Variants in CCSER1 observed in about 807,000 individuals in gnomAD.
CCSER1 encodes serine-rich coiled-coil domain-containing protein 1.
CCSER1 carries 41 observed loss-of-function variants against 82.0 expected under a neutral mutation model. The observed-to-expected ratio is 0.50, with a 90% confidence interval of 0.39 to 0.65. CCSER1 has a LOEUF of 0.65. Among genes scored for constraint, CCSER1 ranks in the 30% least tolerant of loss-of-function variants. The pLI is 0.00. For synonymous variants in CCSER1, 414 were observed against 383.9 expected, an observed-to-expected ratio of 1.08 and a Z score of -0.92; for missense variants, 1,119 against 1,064.2, an observed-to-expected ratio of 1.05 and a Z score of -0.72.
chr4:90,771,366 C>T (rs976681371), intron 7 of CCSER1, among the ~76,000 whole-genome samples: 13 of 151,070 alleles, frequency 8.6e-5, no homozygotes, highest in Non-Finnish European at 1.6e-4. Flanking sequence ...TATTGAGGGA[C>T]CACTTTTTAA....
intron 10 of CCSER1, among the ~76,000 whole-genome samples, chr4:91,241,577 C>T (rs77070776): frequency 2.0e-5 from 3 of 151,920 alleles, no homozygotes; most frequent in Non-Finnish European, 4.4e-5. Context: ...CCACCCGCCT[C>T]AGCCTCCCAA....
rs555509484 is a variant in CCSER1, at chr4:91,082,802, A to T, written c.2173-3148A>T. Among the ~76,000 whole-genome samples the T allele has an allele frequency of 2.6e-5, 4 of 152,328 alleles. No individual in the cohort carries two copies. In the South Asian group the frequency reaches 6.2e-4, roughly 24 times the overall value. ...AGACATTTATGCAGCCAAAAGACAC[A>T]TGAAAAAATGCTCATCATCACTGGT... On this transcript the variant is annotated intron_variant, in intron 9 of 10. Coordinates refer to ENST00000509176, the MANE Select transcript of CCSER1 (RefSeq NM_001145065.2).
intron 10 of CCSER1, among the ~76,000 whole-genome samples, chr4:91,225,303 TATTATATATGTAATATATATG>T (rs1218214680): frequency 8.0e-5 from 4 of 50,290 alleles, no homozygotes; most frequent in African/African-American, 4.7e-4. Context: ...TATGTATATA[TATTATATATGTAATATATATG>T]TATATATATT....
chr4:90,223,819 A>G (rs1742627396), intron 1 of CCSER1, among the ~76,000 whole-genome samples: 1 of 152,252 alleles, frequency 6.6e-6, no homozygotes, highest in Admixed American at 6.5e-5. Context: ...CCCAAATTAC[A>G]GAATTTATTT....
intron 8 of CCSER1, among the ~76,000 whole-genome samples, chr4:90,838,321 G>A (rs1275546503): frequency 6.6e-6 from 1 of 151,208 alleles, no homozygotes; most frequent in African/African-American, 2.4e-5. Flanking sequence ...CATTTCAGTT[G>A]TACAATTTAA....
intron 5 of CCSER1, among the ~76,000 whole-genome samples, chr4:90,540,422 T>C (rs1399933575): frequency 6.6e-6 from 1 of 152,086 alleles, no homozygotes; most frequent in African/African-American, 2.4e-5. Context: ...TTTTTACTTA[T>C]GTCATGTGTG....
intron 8 of CCSER1, among the ~76,000 whole-genome samples, chr4:90,883,837 A>G (rs1397908172): frequency 6.6e-6 from 1 of 152,178 alleles, no homozygotes; most frequent in Non-Finnish European, 1.5e-5. Flanking sequence ...TAATACAGAA[A>G]GTTGGCAAGG....
intron 1 of CCSER1, among the ~76,000 whole-genome samples, chr4:90,170,120 A>C (rs544681381): frequency 2.0e-5 from 3 of 151,982 alleles, no homozygotes; most frequent in Non-Finnish European, 4.4e-5. Flanking sequence ...CTCCTATGCA[A>C]TCATCTACCC....
chr4:91,065,256 C>T (rs1720686328), intron 9 of CCSER1, among the ~76,000 whole-genome samples: 1 of 151,978 alleles, frequency 6.6e-6, no homozygotes. Context: ...ATTTCAATGA[C>T]AAAGGTGGTA....
chr4:90,291,515 C>T (rs1730942974), intron 1 of CCSER1, among the ~76,000 whole-genome samples: 1 of 151,902 alleles, frequency 6.6e-6, no homozygotes, highest in African/African-American at 2.4e-5. Flanking sequence ...ATTATTCTGT[C>T]AAATTAGCAA....
In CCSER1 at chr4:91,544,009, G is replaced by T. The variant is rs577771650; in HGVS notation, c.2218-54563G>T. 2.0e-5 allele frequency among the ~76,000 whole-genome samples: 3 copies of T among 151,892 alleles called. No individual in the cohort carries two copies. In the East Asian group the frequency reaches 5.8e-4, roughly 29 times the overall value. ...GAGGCTTTGTTGGTTTCTTTTTACTGTTTTTTTCTCTAAACTTCTCTTCTC... is the reference window on the plus strand; with the variant it reads ...GAGGCTTTGTTGGTTTCTTTTTACTTTTTTTTTCTCTAAACTTCTCTTCTC... On this transcript the variant is annotated intron_variant, in intron 10 of 10. Coordinates refer to ENST00000509176, the MANE Select transcript of CCSER1 (RefSeq NM_001145065.2).
At chr4:90,289,456 C>A (rs771371785) in intron 1 of CCSER1, among the ~76,000 whole-genome samples, 13 of 151,914 alleles carry the variant, frequency 8.6e-5, no homozygotes, top group Non-Finnish European at 1.8e-4. Context: ...ATAAAGTACA[C>A]TTGATATAGA....
intron 3 of CCSER1, among the ~76,000 whole-genome samples, chr4:90,344,115 C>T (rs1443928475): frequency 6.6e-6 from 1 of 152,064 alleles, no homozygotes; most frequent in Non-Finnish European, 1.5e-5. Flanking sequence ...CTTTTAGATC[C>T]CATAAATAAG....
At chr4:90,937,538 T>TA (rs1731100523) in intron 9 of CCSER1, among the ~76,000 whole-genome samples, 1 of 147,680 alleles carries the variant, frequency 6.8e-6, no homozygotes, top group Non-Finnish European at 1.5e-5. Flanking sequence ...ATAAGGCATA[T>TA]AGGGTAGAAT....
intron 9 of CCSER1, among the ~76,000 whole-genome samples, chr4:91,048,594 A>T (rs962748445): frequency 3.3e-5 from 5 of 152,110 alleles, no homozygotes; most frequent in African/African-American, 4.8e-5. Context: ...TTTATAATAA[A>T]TTTCATACAT....
chr4:90,452,988 C>T (rs1761676456), intron 4 of CCSER1, among the ~76,000 whole-genome samples: 2 of 152,084 alleles, frequency 1.3e-5, no homozygotes, highest in Non-Finnish European at 2.9e-5. Context: ...TTACTGCCTC[C>T]CTAAGAGATT....
chr4:90,825,034 C>G (rs1760227419), intron 8 of CCSER1, among the ~76,000 whole-genome samples: 1 of 152,122 alleles, frequency 6.6e-6, no homozygotes, highest in Non-Finnish European at 1.5e-5. Context: ...TTACACACTC[C>G]AGTACCCTGA....
At chr4:91,508,219 C>T (rs1218961207) in intron 10 of CCSER1, among the ~76,000 whole-genome samples, 4 of 124,948 alleles carry the variant, frequency 3.2e-5, no homozygotes, top group African/African-American at 1.2e-4. Flanking sequence ...TACCATTAAG[C>T]ATGTTGTTAA....
intron 7 of CCSER1, among the ~76,000 whole-genome samples, chr4:90,749,047 T>C (rs1195051908): frequency 1.3e-5 from 2 of 151,868 alleles, no homozygotes; most frequent in East Asian, 1.9e-4. Flanking sequence ...TTTAATTAGA[T>C]CCCATTTGTC....
Sources: gnomAD v4.1 joint callset for allele counts (sites outside exome capture counted in the v4.1 genomes callset) on GRCh38, gnomAD v4.1.1 for gene constraint, MANE v1.5 for transcripts, NCBI Gene and HGNC (gene_info 2026-07-23, HGNC 2026-07-21) for gene names.